TNNI3K: variants seen among roughly 807,000 people sequenced by gnomAD.
The protein encoded by TNNI3K is TNNI3 interacting kinase.
A neutral mutation model predicts 114.5 loss-of-function variants in TNNI3K; 140 were observed. The ratio of observed to expected loss-of-function variants is 1.22; its 90% CI spans 1.07 to 1.41. The LOEUF is 1.41. TNNI3K is among the 40% of genes most tolerant of loss of function. The pLI, the probability that TNNI3K is intolerant of heterozygous loss-of-function variation, is 0.00. For missense variants in TNNI3K, 1,125 were observed against 1,007.6 expected, an observed-to-expected ratio of 1.12 and a Z score of -1.58; for synonymous variants, 347 against 347.5, an observed-to-expected ratio of 1.00 and a Z score of 0.02.
chr1:74,500,213 A>G (rs1454616988), intron 23 of TNNI3K, among the ~76,000 whole-genome samples: 10 of 152,040 alleles, frequency 6.6e-5, no homozygotes, highest in Admixed American at 6.6e-4. Context: ...AAATTCCATA[A>G]TGATTTCATT....
At chr1:74,521,920 C>A (rs1646438170) in intron 23 of TNNI3K, among the ~76,000 whole-genome samples, 1 of 152,024 alleles carries the variant, frequency 6.6e-6, no homozygotes, top group African/African-American at 2.4e-5. Flanking sequence ...ACTCAAAAGC[C>A]CAGAGTGATT....
In TNNI3K at chr1:74,369,441, G is replaced by A. The variant is rs202205355; in HGVS notation, c.1523G>A (p.Arg508Gln). The A allele has an allele frequency of 3.9e-5, 63 of 1,612,282 alleles. No homozygotes were observed. Among genetic ancestry groups the A allele is most frequent in the South Asian group, 8.8e-5 (8 of 90,952 alleles). The part of the protein sequence containing the change: ...CSKSDVDMFC[R>Q]EVSILCQLNH... ...AAGTCAGATGTGGATATGTTTTGCC[G>A]AGAGGTGTCCATTCTCTGCCAGCTC... Residue 508 changes from arginine (R) to glutamine (Q), a missense_variant, in exon 16 of 25, where the codon CGA becomes CAA. By Grantham distance (43) the Arg-to-Gln change is conservative. Coordinates refer to ENST00000326637, the MANE Select transcript of TNNI3K (RefSeq NM_015978.3).
At chr1:74,309,838 T>C (rs1658880589) in intron 5 of TNNI3K, among the ~76,000 whole-genome samples, 1 of 152,100 alleles carries the variant, frequency 6.6e-6, no homozygotes, top group Admixed American at 6.5e-5. Flanking sequence ...TATGACAAAC[T>C]ATTACCCAAC....
intron 4 of TNNI3K, among the ~76,000 whole-genome samples, chr1:74,258,790 G>A (rs1344733757): frequency 1.3e-5 from 2 of 152,046 alleles, no homozygotes; most frequent in Non-Finnish European, 2.9e-5. Context: ...CAACCCTAAT[G>A]GTTTTCAATG....
chr1:74,242,339 A>T (rs544903200), intron 2 of TNNI3K, among the ~76,000 whole-genome samples: 3 of 152,280 alleles, frequency 2.0e-5, no homozygotes, highest in Non-Finnish European at 2.9e-5. Context: ...TAGAGGAAAT[A>T]AAAAAATGTT....
intron 23 of TNNI3K, among the ~76,000 whole-genome samples, chr1:74,529,683 C>T (rs902267770): frequency 6.6e-6 from 1 of 152,170 alleles, no homozygotes; most frequent in South Asian, 2.1e-4. Context: ...ATTAGATTGT[C>T]AACTTATCTC....
chr1:74,337,701 C>A (rs1660546730), intron 7 of TNNI3K, among the ~76,000 whole-genome samples: 1 of 152,008 alleles, frequency 6.6e-6, no homozygotes, highest in African/African-American at 2.4e-5. Flanking sequence ...CTTATCTTAT[C>A]TTTCCCTTCC....
chr1:74,333,152 G>C (rs1364443982), intron 6 of TNNI3K, among the ~76,000 whole-genome samples: 1 of 152,146 alleles, frequency 6.6e-6, no homozygotes, highest in Non-Finnish European at 1.5e-5. Context: ...AGGGTTCCAA[G>C]TTGAAGATCA....
rs41289188 is a variant in TNNI3K, at chr1:74,271,559, T to C, written c.334-39T>C. The C allele has an allele frequency of 1.8e-3, 2,757 of 1,553,046 alleles. 2 individuals carry two copies. The highest frequency in any genetic ancestry group is 2.3e-3 in the Non-Finnish European group (2,613 of 1,142,402). ...TGTTGCACAGCTTTTGAACCTGTTA[T>C]TAGCAGAAAAGTAACACTAAAGATA... On this transcript the variant is annotated intron_variant, in intron 4 of 24. Transcript: ENST00000326637.
chr1:74,471,615 G>A (rs1667935944), intron 21 of TNNI3K: 1 of 400,532 alleles, frequency 2.5e-6, no homozygotes. Flanking sequence ...TAGTCAGTTG[G>A]TTACTTTGAT....
intron 21 of TNNI3K, chr1:74,470,847 C>T (rs1006754751): frequency 1.0e-5 from 4 of 400,496 alleles, no homozygotes; most frequent in Non-Finnish European, 1.3e-5. Flanking sequence ...TTTGATTCCT[C>T]GGGGACAAAG....
chr1:74,533,164 C>T (rs1471884692), intron 23 of TNNI3K, among the ~76,000 whole-genome samples: 1 of 152,152 alleles, frequency 6.6e-6, no homozygotes, highest in Non-Finnish European at 1.5e-5. Context: ...GCAACCTACT[C>T]ATCTGACAAA....
chr1:74,300,293 C>T (rs910835661), intron 5 of TNNI3K, among the ~76,000 whole-genome samples: 1 of 152,144 alleles, frequency 6.6e-6, no homozygotes, highest in African/African-American at 2.4e-5. Context: ...AAACAGACAC[C>T]TACATATGTG....
At position 74,331,792 on chromosome 1, in the gene TNNI3K, T is replaced by A. The variant is rs539407978; in HGVS notation, c.543+244T>A. Among the ~76,000 whole-genome samples the A allele has an allele frequency of 4.6e-5, 7 of 152,326 alleles. No individual in the cohort carries two copies. In the East Asian group the frequency reaches 1.2e-3, roughly 25 times the overall value. On this transcript the variant is annotated intron_variant, in intron 6 of 24. Transcript: ENST00000326637. ...AAAGTACATTGGTAAGTGTGTGGCCTCAGGAATCAGTCAGCCTAAATTTGA... is the reference window on the plus strand; with the variant it reads ...AAAGTACATTGGTAAGTGTGTGGCCACAGGAATCAGTCAGCCTAAATTTGA...
chr1:74,517,898 C>G (rs1409012226), intron 23 of TNNI3K, among the ~76,000 whole-genome samples: 1 of 152,154 alleles, frequency 6.6e-6, no homozygotes, highest in Admixed American at 6.6e-5. Context: ...GAATTTCTAA[C>G]CAGTTCCCAG....
chr1:74,241,621 G>A (rs997183471), intron 2 of TNNI3K, among the ~76,000 whole-genome samples: 5 of 152,082 alleles, frequency 3.3e-5, no homozygotes, highest in African/African-American at 1.2e-4. Context: ...ACTTGTTGAT[G>A]GGGTTGTTTT....
At chr1:74,345,065 ATG>A (rs1384124564) in intron 9 of TNNI3K, among the ~76,000 whole-genome samples, 9 of 152,144 alleles carry the variant, frequency 5.9e-5, no homozygotes, top group African/African-American at 1.7e-4. Context: ...GCATGTATAT[ATG>A]TGTGTACACA....
chr1:74,413,148 TAAAC>T (rs1052920008), intron 17 of TNNI3K, among the ~76,000 whole-genome samples: 6 of 152,318 alleles, frequency 3.9e-5, no homozygotes, highest in Admixed American at 1.3e-4. Context: ...GTCATTTATT[TAAAC>T]ATTTATGAAA....
At chr1:74,414,423 G>C (rs1369533812) in intron 17 of TNNI3K, among the ~76,000 whole-genome samples, 2 of 152,164 alleles carry the variant, frequency 1.3e-5, no homozygotes, top group African/African-American at 4.8e-5. Context: ...ACTTGGGATT[G>C]TGATTCTGCT....
Sources: allele counts gnomAD v4.1 joint callset (sites outside exome capture counted in the v4.1 genomes callset), GRCh38; gene constraint gnomAD v4.1.1; transcripts MANE v1.5; gene names NCBI Gene and HGNC (gene_info 2026-07-23, HGNC 2026-07-21).